Variants in B3GALT5 observed in about 807,000 individuals in gnomAD.
The protein encoded by B3GALT5 is UDP-Gal:betaGlcNAc beta 1,3-galactosyltransferase, polypeptide 5.
For missense variants in B3GALT5, 328 were observed against 396.6 expected (o/e 0.83, Z 1.47); for synonymous variants, 156 against 158.6 (o/e 0.98, Z 0.12).
At chr21:39,652,708 C>T (rs2079407133) in intron 2 of B3GALT5, among the ~76,000 whole-genome samples, 1 of 152,170 alleles carries the variant, frequency 6.6e-6, no homozygotes, top group East Asian at 1.9e-4. Flanking sequence ...TAGCAAACTT[C>T]ACAGTTTGAT....
At chr21:39,620,144 C>T (rs1342892997) in intron 1 of B3GALT5, among the ~76,000 whole-genome samples, 6 of 152,188 alleles carry the variant, frequency 3.9e-5, no homozygotes, top group Non-Finnish European at 8.8e-5. Flanking sequence ...ATCTTCAGAC[C>T]TTGTTTGAAT....
chr21:39,650,217 A>C (rs1298199915), intron 2 of B3GALT5, among the ~76,000 whole-genome samples: 1 of 152,212 alleles, frequency 6.6e-6, no homozygotes, highest in Non-Finnish European at 1.5e-5. Flanking sequence ...TAGCCAAGTC[A>C]CAAGTTCTAC....
intron 1 of B3GALT5, among the ~76,000 whole-genome samples, chr21:39,639,400 T>TTCTTTCTTTCTTTC: frequency 1.7e-5 from 1 of 57,156 alleles, no homozygotes; most frequent in African/African-American, 7.4e-5. Flanking sequence ...CCTTCTTTCT[T>TTCTTTCTTTCTTTC]TTTCTTTCTT....
chr21:39,648,244 A>C (rs916439359), intron 2 of B3GALT5, among the ~76,000 whole-genome samples: 1 of 152,182 alleles, frequency 6.6e-6, no homozygotes, highest in Non-Finnish European at 1.5e-5. Flanking sequence ...TTGGGTTATA[A>C]AAATATTGAC....
intron 1 of B3GALT5, among the ~76,000 whole-genome samples, chr21:39,622,815 G>A (rs887536857): frequency 4.6e-5 from 7 of 150,834 alleles, no homozygotes; most frequent in African/African-American, 1.5e-4. Context: ...GTCTCCTGTT[G>A]GATTGATACA....
chr21:39,634,193 T>C (rs1470643964), intron 1 of B3GALT5, among the ~76,000 whole-genome samples: 1 of 152,176 alleles, frequency 6.6e-6, no homozygotes, highest in Non-Finnish European at 1.5e-5. Flanking sequence ...TAATGGGTCA[T>C]GATGCAGAAT....
At chr21:39,643,483 GGCA>G (rs2079309303) in intron 1 of B3GALT5, among the ~76,000 whole-genome samples, 1 of 152,062 alleles carries the variant, frequency 6.6e-6, no homozygotes, top group African/African-American at 2.4e-5. Context: ...TAGCTCTCCT[GGCA>G]GCAACAGCTG....
At chr21:39,626,341 C>T (rs983142451) in intron 1 of B3GALT5, among the ~76,000 whole-genome samples, 6 of 152,120 alleles carry the variant, frequency 3.9e-5, no homozygotes, top group African/African-American at 1.4e-4. Context: ...AGTGAACGCT[C>T]GGGTTGTTTT....
rs148899420 is a variant in B3GALT5 at position 39,667,777 on chromosome 21, G to A, written c.*6285G>A. ...TGGGAGGATACTAACTGGGGAAGAG[G>A]AGACCTTGCTTCCAGGGCTGGGCGA... On this transcript the variant is annotated 3_prime_UTR_variant, in exon 4 of 4. Transcript: ENST00000684187. 2 of 152,344 alleles carry A rather than the reference G, an allele frequency of 1.3e-5. No homozygotes were observed. The highest frequency in any genetic ancestry group is 2.9e-5 in the Non-Finnish European group (2 of 68,062). 9.4% of individuals were successfully genotyped at this position (152,344 alleles called of 1,614,324 possible). A position where few individuals can be genotyped will look rare whatever the true frequency, so the allele number is the denominator to read the frequency against.
intron 1 of B3GALT5, among the ~76,000 whole-genome samples, chr21:39,639,468 C>CTT (rs2079271731): frequency 1.6e-5 from 2 of 122,628 alleles, no homozygotes; most frequent in African/African-American, 6.2e-5. Context: ...TTCTTTCTCT[C>CTT]TCTCTCTCTC....
rs2079608622 is a variant in B3GALT5 at position 39,669,500 on chromosome 21, A to G, written c.*8008A>G. ...AGGTTCGAGGCCGTGGGTTTTGCAT[A>G]CAGAGCTTTCACTGGGTAAATACAC... On this transcript the variant is annotated 3_prime_UTR_variant, in exon 4 of 4. Coordinates refer to ENST00000684187, the MANE Select transcript of B3GALT5 (RefSeq NM_001356336.2). 6.6e-6 allele frequency: 1 copy of G among 152,174 alleles called. No individual in the cohort carries two copies. Among genetic ancestry groups the G allele is most frequent in the Admixed American group, 6.5e-5 (1 of 15,280 alleles). The allele number at this position is 152,174 out of a possible 1,614,324, so 9.4% of individuals were successfully genotyped here.
chr21:39,621,378 C>G (rs1383644836), intron 1 of B3GALT5, among the ~76,000 whole-genome samples: 1 of 151,784 alleles, frequency 6.6e-6, no homozygotes. Flanking sequence ...CATTTGTATT[C>G]AAAAGAGATA....
chr21:39,667,194 C>G lies in B3GALT5; in HGVS notation c.*5702C>G, dbSNP rs1293819957. ...CCTATTTAACGAGCTTCGCAGTGCC[C>G]TCAATTTGCTAAGTTAACTTTGGCC... On this transcript the variant is annotated 3_prime_UTR_variant, in exon 4 of 4. Transcript: ENST00000684187. The G allele has an allele frequency of 1.3e-5, 2 of 152,216 alleles. No homozygotes were observed. Among genetic ancestry groups the G allele is most frequent in the African/African-American group, 4.8e-5 (2 of 41,448 alleles). The allele number at this position is 152,216 out of a possible 1,614,324, so 9.4% of individuals were successfully genotyped here. A position where few individuals can be genotyped will look rare whatever the true frequency, so the allele number is the denominator to read the frequency against.
chr21:39,667,728 G>A lies in B3GALT5; in HGVS notation c.*6236G>A, dbSNP rs970494947. Reference sequence around the variant, plus strand: ...GACACCAGGTTACTGTCTACCTGGTGGGGAAGCTGGGGAAAAGGGCCCATG... The same window carrying A: ...GACACCAGGTTACTGTCTACCTGGTAGGGAAGCTGGGGAAAAGGGCCCATG... On this transcript the variant is annotated 3_prime_UTR_variant, in exon 4 of 4. Coordinates refer to ENST00000684187, the MANE Select transcript of B3GALT5 (RefSeq NM_001356336.2). The A allele has an allele frequency of 6.6e-6, 1 of 152,250 alleles. No individual in the cohort carries two copies. Among genetic ancestry groups the A allele is most frequent in the Non-Finnish European group, 1.5e-5 (1 of 68,052 alleles). 9.4% of individuals were successfully genotyped at this position (152,250 alleles called of 1,614,324 possible). A position where few individuals can be genotyped will look rare whatever the true frequency, so the allele number is the denominator to read the frequency against.
intron 1 of B3GALT5, among the ~76,000 whole-genome samples, chr21:39,626,227 T>C (rs1423098194): frequency 6.6e-6 from 1 of 152,196 alleles, no homozygotes; most frequent in Non-Finnish European, 1.5e-5. Flanking sequence ...GTCTTCAAGG[T>C]TCATCCATGT....
chr21:39,661,575 C>A lies in B3GALT5; in HGVS notation c.*83C>A. ...CTAGATTTTGGAAGAGGGGGCGGGA[C>A]AGAGGATGCTGTTCTTCAGTGCTGA... On this transcript the variant is annotated 3_prime_UTR_variant, in exon 4 of 4. Coordinates refer to ENST00000684187, the MANE Select transcript of B3GALT5 (RefSeq NM_001356336.2). The surrounding 1 kb of genome is among the most constrained non-coding windows in gnomAD (Gnocchi z 4.7). 7.7e-7 allele frequency: 1 copy of A among 1,297,050 alleles called. No homozygotes were observed. Among genetic ancestry groups the A allele is most frequent in the Non-Finnish European group, 1.0e-6 (1 of 972,836 alleles). The allele number at this position is 1,297,050 out of a possible 1,614,324, so 80.3% of individuals were successfully genotyped here. A position where few individuals can be genotyped will look rare whatever the true frequency, so the allele number is the denominator to read the frequency against.
chr21:39,644,039 G>A (rs968568264), intron 1 of B3GALT5, among the ~76,000 whole-genome samples: 1 of 149,012 alleles, frequency 6.7e-6, no homozygotes, highest in Non-Finnish European at 1.5e-5. Flanking sequence ...TTTCTCCTAA[G>A]ATGATTTTGA....
At chr21:39,637,929 G>A (rs1164358488) in intron 1 of B3GALT5, among the ~76,000 whole-genome samples, 1 of 152,164 alleles carries the variant, frequency 6.6e-6, no homozygotes. Flanking sequence ...TGTTAGGGGC[G>A]GGGAGCAGGA....
At chr21:39,646,946 C>G (rs941527338) in intron 2 of B3GALT5, among the ~76,000 whole-genome samples, 6 of 151,946 alleles carry the variant, frequency 3.9e-5, no homozygotes, top group African/African-American at 1.2e-4. Context: ...AGAAAAAATA[C>G]AAAAATTCCC....
Sources: gnomAD v4.1 joint callset for allele counts (sites outside exome capture counted in the v4.1 genomes callset) on GRCh38, gnomAD v4.1.1 for gene constraint, Gnocchi (gnomAD v3.1) non-coding constraint, MANE v1.5 for transcripts, NCBI Gene and HGNC (gene_info 2026-07-23, HGNC 2026-07-21) for gene names.